Variants in PRH1 observed in about 807,000 individuals in gnomAD.
PRH1 encodes the protein salivary acidic proline-rich phosphoprotein 1/2.
In PRH1, 7 loss-of-function variants were observed where a neutral mutation model predicts 7.9. The ratio of observed to expected loss-of-function variants is 0.89; its 90% CI spans 0.50 to 1.67. The LOEUF (loss-of-function observed/expected upper bound fraction) is 1.67. Ranked by LOEUF, PRH1 falls within the 40% of genes most tolerant of loss-of-function variation. The pLI, the probability that PRH1 is intolerant of heterozygous loss-of-function variation, is 0.00. For synonymous variants in PRH1, 45 were observed against 80.8 expected, an observed-to-expected ratio of 0.56 and a Z score of 2.38; for missense variants, 109 against 223.6, an observed-to-expected ratio of 0.49 and a Z score of 3.27.
intron 1 of PRH1, among the ~76,000 whole-genome samples, chr12:11,064,983 G>A (rs1943750471): frequency 6.6e-6 from 1 of 151,942 alleles, no homozygotes; most frequent in African/African-American, 2.4e-5. Context: ...ACTGCAGTAA[G>A]CCATGATCCT....
intron 1 of PRH1, among the ~76,000 whole-genome samples, chr12:11,122,237 T>C (rs1199661449): frequency 6.6e-6 from 1 of 152,280 alleles, no homozygotes; most frequent in African/African-American, 2.4e-5. Context: ...TATTACACTG[T>C]TCCCAGAAGA....
intron 1 of PRH1, among the ~76,000 whole-genome samples, chr12:10,980,868 G>T (rs370053119): frequency 6.6e-6 from 1 of 152,150 alleles, no homozygotes; most frequent in Admixed American, 6.5e-5. Flanking sequence ...CATGAAGACC[G>T]ACCATTGGCA....
intron 2 of PRH1, among the ~76,000 whole-genome samples, chr12:10,928,364 G>A (rs758408529): frequency 7.2e-5 from 11 of 152,124 alleles, no homozygotes; most frequent in Non-Finnish European, 1.0e-4. Context: ...GAAGACTACG[G>A]TATTTGTTAG....
intron 1 of PRH1, among the ~76,000 whole-genome samples, chr12:11,003,820 T>G (rs571291008): frequency 3.5e-4 from 54 of 152,212 alleles, no homozygotes; most frequent in Non-Finnish European, 6.5e-4. Flanking sequence ...ATGCTATCCA[T>G]GTAAATCAAA....
At chr12:11,016,384 G>C (rs973969134) in intron 1 of PRH1, among the ~76,000 whole-genome samples, 1 of 152,156 alleles carries the variant, frequency 6.6e-6, no homozygotes, top group African/African-American at 2.4e-5. Context: ...CACTGCATGC[G>C]GCCAGCAACG....
chr12:10,908,663 CA>C, intron 2 of PRH1: 1 of 1,613,842 alleles, frequency 6.2e-7, no homozygotes, highest in Non-Finnish European at 8.5e-7. Context: ...AATTGAGTTG[CA>C]TTTTCTGGAG....
intron 1 of PRH1, among the ~76,000 whole-genome samples, chr12:11,169,387 A>G (rs1032329404): frequency 3.3e-5 from 5 of 152,214 alleles, no homozygotes; most frequent in African/African-American, 1.2e-4. Flanking sequence ...TAGAGCATTA[A>G]GGAGTAGGAT....
At chr12:10,982,180 C>G (rs1045730861) in intron 1 of PRH1, among the ~76,000 whole-genome samples, 3 of 152,136 alleles carry the variant, frequency 2.0e-5, no homozygotes, top group African/African-American at 7.2e-5. Flanking sequence ...TTATTGTAAG[C>G]AGGACCAAGG....
In PRH1 at chr12:11,032,462, A is replaced by G. The variant is rs555603083; in HGVS notation, c.-126+14558T>C. Among the ~76,000 whole-genome samples, 297 of 152,338 alleles carry G rather than the reference A, an allele frequency of 1.9e-3. 1 individual carries two copies. The highest frequency in any genetic ancestry group is 3.3e-3 in the Non-Finnish European group (225 of 68,034). On this transcript the variant is annotated intron_variant, in intron 1 of 3. Coordinates refer to the PRH1 transcript ENST00000539853. ...ATCTGGTTGCTGCTAACACTTTCGT[A>G]TAACTTCATTATTCACAAACTCATA...
intron 1 of PRH1, among the ~76,000 whole-genome samples, chr12:10,983,806 A>C (rs1939477418): frequency 6.6e-6 from 1 of 152,136 alleles, no homozygotes; most frequent in African/African-American, 2.4e-5. Flanking sequence ...GAGTCATATC[A>C]TACATCACAA....
chr12:11,104,296 T>C (rs1350575285), intron 1 of PRH1, among the ~76,000 whole-genome samples: 1 of 152,128 alleles, frequency 6.6e-6, no homozygotes, highest in African/African-American at 2.4e-5. Context: ...CAAATTGTTA[T>C]GATGATCACT....
intron 1 of PRH1, chr12:10,973,824 C>G (rs1057274056): frequency 1.1e-5 from 7 of 622,218 alleles, no homozygotes; most frequent in Admixed American, 2.6e-5. Context: ...CAAGGAGAGT[C>G]TTTATAGGTG....
chr12:11,116,099 G>A (rs1047736043), downstream of PRH1, among the ~76,000 whole-genome samples: 3 of 151,722 alleles, frequency 2.0e-5, no homozygotes, highest in African/African-American at 7.2e-5. Context: ...AAAGATCAAT[G>A]AAACAAAAAC....
chr12:10,923,990 G>GTTTTTTTTTTT (rs35612831), intron 2 of PRH1, among the ~76,000 whole-genome samples: 4 of 89,490 alleles, frequency 4.5e-5, no homozygotes, highest in Admixed American at 1.8e-4. Flanking sequence ...TTCTCCATCT[G>GTTTTTTTTTTT]TTTTTTTTTT....
At chr12:10,982,011 G>T (rs1302287136) in intron 1 of PRH1, among the ~76,000 whole-genome samples, 1 of 151,990 alleles carries the variant, frequency 6.6e-6, no homozygotes, top group Non-Finnish European at 1.5e-5. Flanking sequence ...ATGAGTTTTT[G>T]AAGATCAGAT....
At chr12:11,101,170 C>T (rs1344334090) in intron 1 of PRH1, among the ~76,000 whole-genome samples, 1 of 152,068 alleles carries the variant, frequency 6.6e-6, no homozygotes, top group Admixed American at 6.6e-5. Context: ...TCTTGCCTAT[C>T]TCTTCTTTTG....
chr12:11,144,035 G>A (rs1469841401), intron 1 of PRH1, among the ~76,000 whole-genome samples: 7 of 152,106 alleles, frequency 4.6e-5, no homozygotes, highest in Admixed American at 3.9e-4. Context: ...TAGCTTTGGT[G>A]GTTTAATGCT....
At chr12:10,922,852 C>T (rs1950068771) in intron 2 of PRH1, among the ~76,000 whole-genome samples, 1 of 60,942 alleles carries the variant, frequency 1.6e-5, no homozygotes, top group South Asian at 8.1e-4. Context: ...GACGGAGTCT[C>T]GCTCTGTCGC....
intron 1 of PRH1, among the ~76,000 whole-genome samples, chr12:11,036,928 A>G (rs1942452927): frequency 6.6e-6 from 1 of 152,220 alleles, no homozygotes; most frequent in Non-Finnish European, 1.5e-5. Context: ...GCTCAGCGTG[A>G]TGAGAGAACA....
Sources: allele counts gnomAD v4.1 joint callset (sites outside exome capture counted in the v4.1 genomes callset), GRCh38; gene constraint gnomAD v4.1.1; transcripts MANE v1.5; gene names NCBI Gene and HGNC (gene_info 2026-07-23, HGNC 2026-07-21).